The following ROBO2 variants were observed in gnomAD, a reference collection of about 807,000 sequenced individuals.
The protein encoded by ROBO2 is roundabout guidance receptor 2.
Under a neutral mutation model 160.8 loss-of-function variants are expected in ROBO2, and 53 were observed. The ratio of observed to expected loss-of-function variants is 0.33; its 90% CI spans 0.26 to 0.41. The LOEUF is 0.41. ROBO2 is among the 10% of genes least tolerant of loss of function. The pLI, the probability that ROBO2 is intolerant of heterozygous loss-of-function variation, is 1.00. For missense variants in ROBO2, 1,577 were observed against 1,722.4 expected (o/e 0.92, Z 1.49); for synonymous variants, 664 against 611.7 (o/e 1.09, Z -1.26).
intron 2 of ROBO2, among the ~76,000 whole-genome samples, chr3:76,836,499 T>C (rs1180041752): frequency 6.6e-6 from 1 of 151,544 alleles, no homozygotes; most frequent in Non-Finnish European, 1.5e-5. Flanking sequence ...AATATGGAAT[T>C]TGTTTTCAGT....
intron 2 of ROBO2, among the ~76,000 whole-genome samples, chr3:76,913,879 T>TAATACTCCTTTAGAGGAGTAACTGTGAAA (rs2076148335): frequency 1.3e-5 from 2 of 151,996 alleles, no homozygotes; most frequent in African/African-American, 4.8e-5. Context: ...AGTAACTGAA[T>TAATACTCCTTTAGAGGAGTAACTGTGAAA]AATACTCCTT....
intron 2 of ROBO2, among the ~76,000 whole-genome samples, chr3:76,405,207 A>G (rs1183027433): frequency 6.6e-6 from 1 of 151,562 alleles, no homozygotes; most frequent in African/African-American, 2.4e-5. Context: ...CTTGGGAAAA[A>G]TCCAGCCAGA....
chr3:76,833,110 T>A (rs7647119), intron 2 of ROBO2, among the ~76,000 whole-genome samples: 19,177 of 152,006 alleles, frequency 0.13, 1,368 homozygotes, highest in East Asian at 0.24. Flanking sequence ...AAATATGGGA[T>A]TAGGACCTTT....
intron 2 of ROBO2, among the ~76,000 whole-genome samples, chr3:76,220,093 C>T (rs112448469): frequency 0.018 from 2,749 of 150,176 alleles, 86 homozygotes; most frequent in African/African-American, 0.063. Context: ...AACCAAACAC[C>T]GCATGTTCTC....
intron 2 of ROBO2, among the ~76,000 whole-genome samples, chr3:76,049,738 C>T (rs1453639283): frequency 6.6e-6 from 1 of 152,002 alleles, no homozygotes; most frequent in Non-Finnish European, 1.5e-5. Context: ...GTAACTTGTG[C>T]CACTTTTTCA....
At chr3:77,054,101 T>C (rs1339643771) in intron 1 of ROBO2, among the ~76,000 whole-genome samples, 1 of 152,178 alleles carries the variant, frequency 6.6e-6, no homozygotes, top group Non-Finnish European at 1.5e-5. Flanking sequence ...CAAAGAGAGA[T>C]TCTTTAGGAA....
intron 2 of ROBO2, among the ~76,000 whole-genome samples, chr3:76,111,224 C>A (rs1421925461): frequency 6.6e-6 from 1 of 151,976 alleles, no homozygotes; most frequent in Non-Finnish European, 1.5e-5. Flanking sequence ...CAGGGACACA[C>A]AGGGGGACGT....
At chr3:76,449,876 A>G (rs1287665829) in intron 2 of ROBO2, among the ~76,000 whole-genome samples, 2 of 152,156 alleles carry the variant, frequency 1.3e-5, no homozygotes, top group Non-Finnish European at 2.9e-5. Flanking sequence ...AACATAGTAA[A>G]TATTCCACCT....
chr3:76,265,220 A>T (rs544197694), intron 2 of ROBO2, among the ~76,000 whole-genome samples: 2 of 152,162 alleles, frequency 1.3e-5, no homozygotes, highest in South Asian at 4.1e-4. Context: ...CTTCACCAAC[A>T]TTCTGCCTGC....
intron 2 of ROBO2, among the ~76,000 whole-genome samples, chr3:76,945,301 C>G (rs187625619): frequency 1.3e-5 from 2 of 152,076 alleles, no homozygotes; most frequent in Non-Finnish European, 2.9e-5. Flanking sequence ...ATTGATGTCG[C>G]TCTCACTATA....
At chr3:76,935,398 A>G (rs113085306) in intron 2 of ROBO2, among the ~76,000 whole-genome samples, 4,268 of 152,228 alleles carry the variant, frequency 0.028, 92 homozygotes, top group Non-Finnish European at 0.039. Context: ...ATTTTTGTCA[A>G]TTGTCTTGCT....
At chr3:77,610,055 CAAAT>C (rs892171569) in intron 21 of ROBO2, among the ~76,000 whole-genome samples, 8 of 150,882 alleles carry the variant, frequency 5.3e-5, no homozygotes, top group South Asian at 4.2e-4. Flanking sequence ...AATATAAAAA[CAAAT>C]AAAAATTAAT....
At chr3:76,462,670 A>G (rs1316019244) in intron 2 of ROBO2, among the ~76,000 whole-genome samples, 4 of 152,082 alleles carry the variant, frequency 2.6e-5, no homozygotes, top group African/African-American at 9.7e-5. Flanking sequence ...CACAGGGAGT[A>G]AGAGGAAATA....
At chr3:77,360,227 G>T (rs1285935153) in intron 2 of ROBO2, among the ~76,000 whole-genome samples, 1 of 150,736 alleles carries the variant, frequency 6.6e-6, no homozygotes, top group Non-Finnish European at 1.5e-5. Context: ...AATGCTCTAA[G>T]TTGCAACAGT....
At chr3:77,503,602 A>G (rs1193681077) in intron 5 of ROBO2, among the ~76,000 whole-genome samples, 1 of 151,696 alleles carries the variant, frequency 6.6e-6, no homozygotes, top group Non-Finnish European at 1.5e-5. Flanking sequence ...AGTTTCTTCA[A>G]AAATAAATCA....
At chr3:77,302,233 A>C (rs2062725408) in intron 2 of ROBO2, among the ~76,000 whole-genome samples, 1 of 152,046 alleles carries the variant, frequency 6.6e-6, no homozygotes, top group African/African-American at 2.4e-5. Context: ...TGAGCCACCA[A>C]ACCTGACCTG....
At chr3:75,957,060 T>A (rs1406499278) in intron 2 of ROBO2, among the ~76,000 whole-genome samples, 2 of 151,732 alleles carry the variant, frequency 1.3e-5, no homozygotes, top group Non-Finnish European at 2.9e-5. Context: ...CATTATTAAT[T>A]TATTTTATGA....
At chr3:77,565,715 T>C (rs575250489) in intron 12 of ROBO2, among the ~76,000 whole-genome samples, 40 of 152,256 alleles carry the variant, frequency 2.6e-4, no homozygotes, top group African/African-American at 9.4e-4. Flanking sequence ...TTAAATCAGA[T>C]GTTTAAAGGA....
intron 2 of ROBO2, among the ~76,000 whole-genome samples, chr3:77,382,428 T>G (rs963003810): frequency 5.3e-5 from 8 of 152,038 alleles, no homozygotes; most frequent in Admixed American, 3.9e-4. Context: ...TTTTGTAATT[T>G]CAATAGCTTT....
Sources: gnomAD v4.1 joint callset for allele counts (sites outside exome capture counted in the v4.1 genomes callset) on GRCh38, gnomAD v4.1.1 for gene constraint, MANE v1.5 for transcripts, NCBI Gene and HGNC (gene_info 2026-07-23, HGNC 2026-07-21) for gene names.